CMSS1: variants seen among roughly 807,000 people sequenced by gnomAD.
CMSS1 encodes cms1 ribosomal small subunit homolog.
CMSS1 carries 33 observed loss-of-function variants against 43.5 expected under a neutral mutation model. That is an observed-to-expected ratio of 0.76 (90% CI 0.57 to 1.01). CMSS1 has a LOEUF of 1.01. Among genes scored for constraint, CMSS1 ranks in the 50% least tolerant of loss-of-function variants. CMSS1 has a pLI of 0.00. For synonymous variants in CMSS1, 115 were observed against 117.2 expected (o/e 0.98, Z 0.12); for missense variants, 313 against 326.4 (o/e 0.96, Z 0.32).
intron 1 of CMSS1, among the ~76,000 whole-genome samples, chr3:99,863,382 T>C (rs1401074212): frequency 2.0e-5 from 3 of 152,080 alleles, no homozygotes; most frequent in Admixed American, 2.0e-4. Context: ...GGCCCTGGGG[T>C]TGGGGACTCC....
chr3:99,819,718 A>T (rs1942393705), intron 1 of CMSS1, among the ~76,000 whole-genome samples: 1 of 148,710 alleles, frequency 6.7e-6, no homozygotes, highest in Admixed American at 6.7e-5. Context: ...CTTAAAGATC[A>T]TCTTTTTTAG....
At chr3:99,834,301 C>G (rs1942806177) in intron 1 of CMSS1, among the ~76,000 whole-genome samples, 1 of 152,194 alleles carries the variant, frequency 6.6e-6, no homozygotes, top group South Asian at 2.1e-4. Context: ...GAATAGTGTT[C>G]TACTTCTATG....
chr3:100,149,274 G>T (rs1256668559), intron 2 of CMSS1, among the ~76,000 whole-genome samples: 1 of 152,144 alleles, frequency 6.6e-6, no homozygotes, highest in Non-Finnish European at 1.5e-5. Flanking sequence ...ACTTTACAAA[G>T]AACCAGAGGC....
intron 1 of CMSS1, among the ~76,000 whole-genome samples, chr3:100,036,725 C>G (rs2065114217): frequency 6.6e-6 from 1 of 152,038 alleles, no homozygotes. Context: ...AAGAATTTTC[C>G]ACAAATTACT....
At chr3:100,101,668 G>T (rs2066307700) in intron 1 of CMSS1, among the ~76,000 whole-genome samples, 1 of 152,060 alleles carries the variant, frequency 6.6e-6, no homozygotes, top group African/African-American at 2.4e-5. Flanking sequence ...TGTGCACAAT[G>T]TGCAGGTTAG....
At chr3:100,009,675 A>G (rs1398747304) in intron 1 of CMSS1, among the ~76,000 whole-genome samples, 2 of 152,258 alleles carry the variant, frequency 1.3e-5, no homozygotes, top group East Asian at 3.8e-4. Flanking sequence ...GAAAGTCAAC[A>G]GAGGAAATTA....
intron 1 of CMSS1, among the ~76,000 whole-genome samples, chr3:100,102,655 C>T (rs2066329808): frequency 6.6e-6 from 1 of 152,172 alleles, no homozygotes; most frequent in African/African-American, 2.4e-5. Flanking sequence ...TCTGTGTCCT[C>T]CGCCATGCTT....
chr3:100,176,559 A>G (rs2067150143), intron 9 of CMSS1, 144 bp downstream of exon 9: 1 of 593,996 alleles, frequency 1.7e-6, no homozygotes, highest in Non-Finnish European at 3.0e-6. Flanking sequence ...TGAGCTAACT[A>G]TAATTATAGA....
chr3:99,988,000 A>G (rs1173217412), intron 1 of CMSS1, among the ~76,000 whole-genome samples: 1 of 152,108 alleles, frequency 6.6e-6, no homozygotes, highest in Non-Finnish European at 1.5e-5. Flanking sequence ...TTTTTCTCTA[A>G]TCAAATGAAA....
chr3:100,126,766 A>T (rs987565657), intron 1 of CMSS1, among the ~76,000 whole-genome samples: 9 of 152,224 alleles, frequency 5.9e-5, no homozygotes, highest in African/African-American at 2.2e-4. Flanking sequence ...TGGGAGGCCG[A>T]GGCCGGTGGA....
At chr3:99,845,540 T>C (rs928688926) in intron 1 of CMSS1, among the ~76,000 whole-genome samples, 1 of 152,208 alleles carries the variant, frequency 6.6e-6, no homozygotes. Context: ...ACTTCCTCTT[T>C]CCTTCCTGGT....
intron 1 of CMSS1, among the ~76,000 whole-genome samples, chr3:100,073,596 ATCT>A (rs935638558): frequency 1.3e-5 from 2 of 152,294 alleles, no homozygotes; most frequent in Non-Finnish European, 2.9e-5. Flanking sequence ...ATGAGTAAAT[ATCT>A]TCATTTAGCA....
At chr3:100,156,207 G>T (rs934169578) in intron 2 of CMSS1, among the ~76,000 whole-genome samples, 11 of 150,472 alleles carry the variant, frequency 7.3e-5, no homozygotes, top group Non-Finnish European at 1.5e-4. Context: ...TCACTGCAAC[G>T]TTGAACTCCT....
chr3:100,153,323 C>T (rs1474809701), intron 2 of CMSS1, among the ~76,000 whole-genome samples: 1 of 152,156 alleles, frequency 6.6e-6, no homozygotes, highest in Non-Finnish European at 1.5e-5. Flanking sequence ...TTGTTTAAGG[C>T]TTCTTTCATT....
chr3:99,925,314 A>G (rs1707257535), intron 1 of CMSS1, among the ~76,000 whole-genome samples: 2 of 152,154 alleles, frequency 1.3e-5, no homozygotes, highest in Non-Finnish European at 2.9e-5. Context: ...CTTTTTTACA[A>G]AATGATCAAC....
chr3:99,929,584 G>A (rs575183811), intron 1 of CMSS1, among the ~76,000 whole-genome samples: 1 of 151,998 alleles, frequency 6.6e-6, no homozygotes, highest in Non-Finnish European at 1.5e-5. Flanking sequence ...GTGTGTGTAT[G>A]TGCCTGCACA....
intron 1 of CMSS1, among the ~76,000 whole-genome samples, chr3:100,032,735 T>C (rs756235813): frequency 1.3e-5 from 2 of 152,226 alleles, no homozygotes; most frequent in Non-Finnish European, 2.9e-5. Context: ...CAGCTTTTGT[T>C]GCTTTGTAGG....
chr3:100,027,577 C>T (rs1349422471), intron 1 of CMSS1, among the ~76,000 whole-genome samples: 1 of 152,146 alleles, frequency 6.6e-6, no homozygotes, highest in Non-Finnish European at 1.5e-5. Flanking sequence ...CATGTACCCT[C>T]CTACTTCCAC....
At chr3:99,942,586 C>T (rs867519140) in intron 1 of CMSS1, among the ~76,000 whole-genome samples, 1 of 152,196 alleles carries the variant, frequency 6.6e-6, no homozygotes, top group African/African-American at 2.4e-5. Flanking sequence ...AATCCCAGCC[C>T]TTTGGGAGAC....
Sources: allele counts gnomAD v4.1 joint callset (sites outside exome capture counted in the v4.1 genomes callset), GRCh38; gene constraint gnomAD v4.1.1; transcripts MANE v1.5; gene names NCBI Gene and HGNC (gene_info 2026-07-23, HGNC 2026-07-21).